POC1B: variants seen among roughly 807,000 people sequenced by gnomAD.
POC1B encodes the protein POC1 centriolar protein homolog B.
A neutral mutation model predicts 60.6 loss-of-function variants in POC1B; 44 were observed. The observed-to-expected ratio is 0.73, with a 90% confidence interval of 0.57 to 0.93. The LOEUF is 0.93. POC1B is among the 40% of genes least tolerant of loss of function. The probability of loss-of-function intolerance (pLI) is 0.00; values close to 1 mark genes in which losing one functional copy is unlikely to be tolerated. For synonymous variants in POC1B, 180 were observed against 198.9 expected (o/e 0.90, Z 0.80); for missense variants, 555 against 572.3 (o/e 0.97, Z 0.31).
At chr12:89,490,277 A>T (rs1868886247) in intron 4 of POC1B, among the ~76,000 whole-genome samples, 1 of 152,144 alleles carries the variant, frequency 6.6e-6, no homozygotes, top group African/African-American at 2.4e-5. Flanking sequence ...CACTTTCCTT[A>T]TCTGCAAAAT....
At chr12:89,416,533 G>C (rs992962404), downstream of POC1B, among the ~76,000 whole-genome samples, 2 of 152,178 alleles carry the variant, frequency 1.3e-5, no homozygotes, top group Non-Finnish European at 2.9e-5. Context: ...GGCAGTTTTA[G>C]AACACTATGT....
the POC1B span, among the ~76,000 whole-genome samples, chr12:89,403,036 C>T: frequency 0.044 from 6,495 of 149,006 alleles, 389 homozygotes; most frequent in East Asian, 0.21. Flanking sequence ...GAGATGGAGT[C>T]TTACTCTGTC....
At chr12:89,476,165 C>T (rs1028503394) in intron 4 of POC1B, among the ~76,000 whole-genome samples, 3 of 151,968 alleles carry the variant, frequency 2.0e-5, no homozygotes, top group Non-Finnish European at 4.4e-5. Context: ...CCTTCACCTC[C>T]CAAAGTGCTA....
chr12:89,523,508 A>G, intron 2 of POC1B: 1 of 1,611,590 alleles, frequency 6.2e-7, no homozygotes, highest in Non-Finnish European at 8.5e-7. Context: ...TTGCCACCAC[A>G]CTGCCACACC....
At chr12:89,435,338 A>G (rs1881212330) in intron 10 of POC1B, among the ~76,000 whole-genome samples, 1 of 151,832 alleles carries the variant, frequency 6.6e-6, no homozygotes, top group Non-Finnish European at 1.5e-5. Context: ...ACACCACCAC[A>G]CCCAGCTAGT....
At chr12:89,496,054 C>T (rs1401321686) in intron 3 of POC1B, among the ~76,000 whole-genome samples, 1 of 152,238 alleles carries the variant, frequency 6.6e-6, no homozygotes, top group Non-Finnish European at 1.5e-5. Flanking sequence ...AGCCACTGTG[C>T]CCAGCCCTAT....
At chr12:89,418,751 C>T (rs1212349926), downstream of POC1B, among the ~76,000 whole-genome samples, 1 of 152,218 alleles carries the variant, frequency 6.6e-6, no homozygotes, top group Non-Finnish European at 1.5e-5. Context: ...GCTGGCTCTC[C>T]TTCACTTTCC....
intron 2 of POC1B, among the ~76,000 whole-genome samples, chr12:89,509,399 T>C (rs992830954): frequency 6.6e-6 from 1 of 152,224 alleles, no homozygotes; most frequent in Admixed American, 6.5e-5. Flanking sequence ...TTCTAAGATG[T>C]ACTTCTCCCA....
intron 4 of POC1B, among the ~76,000 whole-genome samples, chr12:89,476,808 T>C (rs1398771834): frequency 6.6e-6 from 1 of 151,632 alleles, no homozygotes; most frequent in Non-Finnish European, 1.5e-5. Context: ...AATTTTCCTT[T>C]GGCTATTTCT....
chr12:89,476,099 G>C (rs1019780444), intron 4 of POC1B, among the ~76,000 whole-genome samples: 1 of 151,664 alleles, frequency 6.6e-6, no homozygotes, highest in Admixed American at 6.6e-5. Context: ...TAGAGACAGG[G>C]TTTCGCCATG....
rs79065114 is a variant in POC1B, at chr12:89,421,141, T to C, written c.*12A>G. ...TGGGCCTCTGCCCAACAAATGAAAATGAATTTTTTATTCAGCTTTTCTGTT... is the reference window on the plus strand; with the variant it reads ...TGGGCCTCTGCCCAACAAATGAAAACGAATTTTTTATTCAGCTTTTCTGTT... On this transcript the variant is annotated 3_prime_UTR_variant, in exon 12 of 12. Coordinates refer to ENST00000313546, the MANE Select transcript of POC1B (RefSeq NM_172240.3). The C allele has an allele frequency of 4.0e-5, 63 of 1,568,388 alleles. 1 individual carries two copies. In the East Asian group the frequency reaches 1.4e-3, roughly 35 times the overall value.
At chr12:89,446,537 G>A (rs1238752097) in intron 10 of POC1B, among the ~76,000 whole-genome samples, 1 of 152,102 alleles carries the variant, frequency 6.6e-6, no homozygotes, top group Non-Finnish European at 1.5e-5. Context: ...TCACTCATAG[G>A]TGGGAACTGA....
intron 10 of POC1B, among the ~76,000 whole-genome samples, chr12:89,446,861 CAT>C (rs1344711186): frequency 6.6e-6 from 1 of 151,986 alleles, no homozygotes; most frequent in Non-Finnish European, 1.5e-5. Context: ...TTGCAAAAAA[CAT>C]ATGACAGGCA....
chr12:89,426,823 C>CAAAAAAAAAAAAAA (rs74852976), intron 10 of POC1B: 1 of 93,326 alleles, frequency 1.1e-5, no homozygotes. Context: ...GGCCATGTTT[C>CAAAAAAAAAAAAAA]AAAAAAAAAA....
At chr12:89,417,571 T>A (rs552450794), downstream of POC1B, among the ~76,000 whole-genome samples, 5 of 152,318 alleles carry the variant, frequency 3.3e-5, no homozygotes, top group African/African-American at 7.2e-5. Flanking sequence ...TTATCTTTTT[T>A]AAAAAAGTCT....
intron 10 of POC1B, chr12:89,427,388 T>C (rs1880812799): frequency 1.3e-5 from 2 of 152,146 alleles, no homozygotes. Flanking sequence ...ATCTACAAAA[T>C]TAACTCAAAA....
At chr12:89,494,157 A>T (rs1869124400) in intron 3 of POC1B, among the ~76,000 whole-genome samples, 1 of 152,114 alleles carries the variant, frequency 6.6e-6, no homozygotes, top group South Asian at 2.1e-4. Flanking sequence ...CTCCCTCCTC[A>T]GCCTCCTGAG....
intron 10 of POC1B, among the ~76,000 whole-genome samples, chr12:89,446,467 G>C (rs1282464373): frequency 6.6e-6 from 1 of 152,074 alleles, no homozygotes; most frequent in East Asian, 1.9e-4. Context: ...GTGGATGAAG[G>C]TGGAAACCAT....
chr12:89,427,158 T>C (rs150384409), intron 10 of POC1B: 38 of 152,284 alleles, frequency 2.5e-4, no homozygotes, highest in Non-Finnish European at 3.2e-4. Flanking sequence ...TGTAAAACTA[T>C]AGTAATTAAG....
Sources: allele counts gnomAD v4.1 joint callset (sites outside exome capture counted in the v4.1 genomes callset), GRCh38; gene constraint gnomAD v4.1.1; transcripts MANE v1.5; gene names NCBI Gene and HGNC (gene_info 2026-07-23, HGNC 2026-07-21).